RACGAP1: variants seen among roughly 807,000 people sequenced by gnomAD.
RACGAP1 encodes Rac GTPase activating protein 1, also known as rac GTPase-activating protein 1.
RACGAP1 carries 30 observed loss-of-function variants against 78.1 expected under a neutral mutation model. That is an observed-to-expected ratio of 0.38 (90% CI 0.29 to 0.52). The LOEUF (loss-of-function observed/expected upper bound fraction) is 0.52. Among genes scored for constraint, RACGAP1 ranks in the 20% least tolerant of loss-of-function variants. RACGAP1 has a pLI of 0.82. For missense variants in RACGAP1, 587 were observed against 777.1 expected (o/e 0.76, Z 2.91); for synonymous variants, 231 against 264.8 (o/e 0.87, Z 1.24).
chr12:50,001,260 G>A lies in RACGAP1; in HGVS notation c.550-8C>T. 1.3e-6 allele frequency: 2 copies of A among 1,597,194 alleles called. No individual in the cohort carries two copies. The highest frequency in any genetic ancestry group is 1.7e-6 in the Non-Finnish European group (2 of 1,165,144). Reference sequence around the variant, plus strand: ...CTGTCGGCTAGTAGAGCGCTAGAAAGGAGACAAAGACCCGTAACTTTAATG... The same window carrying A: ...CTGTCGGCTAGTAGAGCGCTAGAAAAGAGACAAAGACCCGTAACTTTAATG... On this transcript the variant is annotated splice_region_variant and splice_polypyrimidine_tract_variant and intron_variant, in intron 6 of 16. Coordinates refer to ENST00000312377, the MANE Select transcript of RACGAP1 (RefSeq NM_001319999.2).
chr12:50,009,073 T>A (rs1231167270), intron 2 of RACGAP1, among the ~76,000 whole-genome samples: 1 of 151,762 alleles, frequency 6.6e-6, no homozygotes, highest in African/African-American at 2.4e-5. Flanking sequence ...GGTCAGTAGT[T>A]CAAGGCCAGC....
At chr12:50,008,211 T>C (rs1245886235) in intron 2 of RACGAP1, among the ~76,000 whole-genome samples, 1 of 150,864 alleles carries the variant, frequency 6.6e-6, no homozygotes, top group Non-Finnish European at 1.5e-5. Context: ...ACTTTTTTTT[T>C]TTTTGAGACA....
rs530186752 is a variant in RACGAP1, at chr12:49,991,015, A to G, written c.1715-223T>C. Among the ~76,000 whole-genome samples, 7 of 152,308 alleles carry G rather than the reference A, an allele frequency of 4.6e-5. 1 individual carries two copies. In the East Asian group the frequency reaches 1.3e-3, roughly 29 times the overall value. On this transcript the variant is annotated intron_variant, in intron 15 of 16. Transcript: ENST00000312377. The stretch of plus-strand genomic sequence containing the variant: ...CTGATTTAGGCCATTCTCTAACTCC[A>G]CACTTCACAAATCTAACATCTAAAC...
In RACGAP1 at chr12:49,991,480, T is replaced by TATATATATATATATATATATATA. The variant is rs1555169073; in HGVS notation, c.1714+517_1714+518insTATATATATATATATATATATAT. ...TATTATATATATATATATATATATA[T>TATATATATATATATATATATATA]TTTTTTTTTTTTTTTTTTTTTTTTT... On this transcript the variant is annotated intron_variant, in intron 15 of 16. Transcript: ENST00000312377. 5.8e-3 allele frequency among the ~76,000 whole-genome samples: 77 copies of TATATATATATATATATATATATA among 13,218 alleles called. 1 individual carries two copies. Among genetic ancestry groups the TATATATATATATATATATATATA allele is most frequent in the Non-Finnish European group, 0.011 (63 of 5,872 alleles). 8.7% of individuals were successfully genotyped at this position (13,218 alleles called of 152,430 possible).
chr12:50,009,097 T>TTAGTA (rs1335675446), intron 2 of RACGAP1, among the ~76,000 whole-genome samples: 2 of 151,828 alleles, frequency 1.3e-5, no homozygotes, highest in Non-Finnish European at 2.9e-5. Context: ...GCCAACATGG[T>TTAGTA]GAAACCCTGT....
intron 1 of RACGAP1, among the ~76,000 whole-genome samples, chr12:50,019,419 CA>C (rs966574637): frequency 9.3e-5 from 14 of 151,094 alleles, no homozygotes; most frequent in South Asian, 4.2e-4. Flanking sequence ...ATGATGCTCA[CA>C]AAAAAAAATT....
chr12:49,999,627 C>A lies in RACGAP1; in HGVS notation c.737G>T (p.Arg246Leu). The change falls in exon 8 of 17, where the codon CGA (arginine) becomes CTA (leucine). Residue 246 changes from arginine (R) to leucine (L), a missense_variant. Physicochemically the swap from Arg to Leu is moderately radical, Grantham distance 102 (BLOSUM62 -2). Transcript: ENST00000312377. ...IETVPYWTRS[R>L]RKTGTLQPWN... ...CAAATTCAATGGACCTGTTTTCCTT[C>A]GGCTCCTGGTCCAATATGGCACAGT... 6.2e-7 allele frequency: 1 copy of A among 1,613,380 alleles called. No individual in the cohort carries two copies. The highest frequency in any genetic ancestry group is 8.5e-7 in the Non-Finnish European group (1 of 1,179,308).
intron 12 of RACGAP1, among the ~76,000 whole-genome samples, chr12:49,993,755 A>AAG: frequency 6.6e-6 from 1 of 151,232 alleles, no homozygotes; most frequent in East Asian, 1.9e-4. Context: ...TTAAAAAAAA[A>AAG]AAAAAAAGAG....
At chr12:49,998,911 A>G (rs1948478110) in intron 9 of RACGAP1, among the ~76,000 whole-genome samples, 1 of 152,128 alleles carries the variant, frequency 6.6e-6, no homozygotes, top group South Asian at 2.1e-4. Flanking sequence ...TTAAAAAAAA[A>G]AAAGTACTAA....
rs562988628 is a variant in RACGAP1, at chr12:50,025,254, G to T, written c.-5+144C>A. The T allele has an allele frequency of 5.2e-6, 5 of 963,712 alleles. No homozygotes were observed. The East Asian group carries it at 4.6e-4, about 88-fold the overall frequency. The allele number at this position is 963,712 out of a possible 1,614,324, so 59.7% of individuals were successfully genotyped here. ...CACGACCCCCACCCCAGAAAAGCCC[G>T]AGTGGAGAGGCTGTGGCTGCCAGCC... On this transcript the variant is annotated intron_variant, in intron 1 of 16. Coordinates refer to ENST00000312377, the MANE Select transcript of RACGAP1 (RefSeq NM_001319999.2).
chr12:50,029,887 C>T (rs920147395), upstream of RACGAP1, among the ~76,000 whole-genome samples: 170 of 151,592 alleles, frequency 1.1e-3, no homozygotes, highest in African/African-American at 4.0e-3. Flanking sequence ...AGCGAGACTC[C>T]GTCTCAAAAA....
In RACGAP1 at chr12:50,006,416, A is replaced by G; in HGVS notation, c.288+18T>C. The G allele has an allele frequency of 6.2e-7, 1 of 1,613,702 alleles. No individual in the cohort carries two copies. The highest frequency in any genetic ancestry group is 1.1e-5 in the South Asian group (1 of 91,076). ...CCTCCTGCATCATCACTGTTCTAGCACGGAAAACAATACACACCAGCTTTT... is the reference window on the plus strand; with the variant it reads ...CCTCCTGCATCATCACTGTTCTAGCGCGGAAAACAATACACACCAGCTTTT... On this transcript the variant is annotated intron_variant, in intron 3 of 16. Coordinates refer to ENST00000312377, the MANE Select transcript of RACGAP1 (RefSeq NM_001319999.2).
intron 9 of RACGAP1, among the ~76,000 whole-genome samples, chr12:49,998,899 A>G (rs1385642660): frequency 6.6e-6 from 1 of 152,112 alleles, no homozygotes; most frequent in Non-Finnish European, 1.5e-5. Context: ...CTCTGTCTCA[A>G]ATTAAAAAAA....
chr12:50,005,210 G>A (rs747421714), intron 4 of RACGAP1, 46 bp downstream of exon 4: 23 of 1,607,188 alleles, frequency 1.4e-5, no homozygotes, highest in Admixed American at 5.0e-5. Context: ...ATATCTGACA[G>A]CCTGTGTTGC....
At chr12:49,999,848 C>G (rs182264057) in intron 7 of RACGAP1, 115 bp from the exon 8 acceptor site, 1 of 744,988 alleles carries the variant, frequency 1.3e-6, no homozygotes, top group African/African-American at 1.8e-5. Flanking sequence ...CTTAAGACCC[C>G]AGTCTGATAC....
intron 2 of RACGAP1, among the ~76,000 whole-genome samples, chr12:50,008,206 T>C: frequency 6.7e-6 from 1 of 150,216 alleles, no homozygotes; most frequent in Non-Finnish European, 1.5e-5. Context: ...ATATTACTTT[T>C]TTTTTTTTTG....
In RACGAP1 at chr12:50,002,318, G is replaced by A. The variant is rs1948732549; in HGVS notation, c.496-18C>T. 2.5e-6 allele frequency: 4 copies of A among 1,606,636 alleles called. No homozygotes were observed. The highest frequency in any genetic ancestry group is 3.4e-6 in the Non-Finnish European group (4 of 1,176,036). On this transcript the variant is annotated intron_variant, in intron 5 of 16. Coordinates refer to ENST00000312377, the MANE Select transcript of RACGAP1 (RefSeq NM_001319999.2). ...TCCCAATCCTGTTGACAATTACACT[G>A]TATTAATTTCTTTTTTTGGTTAGGC...
In RACGAP1 at chr12:50,006,414, G is replaced by C. The variant is rs781228369; in HGVS notation, c.288+20C>G. 48 of 1,613,324 alleles carry C rather than the reference G, an allele frequency of 3.0e-5. No homozygotes were observed. The highest frequency in any genetic ancestry group is 3.6e-5 in the Non-Finnish European group (43 of 1,179,394). ...CCCCTCCTGCATCATCACTGTTCTA[G>C]CACGGAAAACAATACACACCAGCTT... is the stretch of plus-strand genomic sequence containing the variant. On this transcript the variant is annotated intron_variant, in intron 3 of 16. Coordinates refer to ENST00000312377, the MANE Select transcript of RACGAP1 (RefSeq NM_001319999.2).
chr12:50,025,760 T>C (rs1371083349), upstream of RACGAP1, among the ~76,000 whole-genome samples: 1 of 152,154 alleles, frequency 6.6e-6, no homozygotes, highest in Non-Finnish European at 1.5e-5. Flanking sequence ...TTATTCTTGG[T>C]CTCACTGTCT....
Sources: allele counts gnomAD v4.1 joint callset (sites outside exome capture counted in the v4.1 genomes callset), GRCh38; gene constraint gnomAD v4.1.1; transcripts MANE v1.5; gene names NCBI Gene and HGNC (gene_info 2026-07-23, HGNC 2026-07-21).